Variants in FREM3 observed in about 807,000 individuals in gnomAD.
The protein encoded by FREM3 is FRAS1-related extracellular matrix protein 3.
FREM3 carries 105 observed loss-of-function variants against 129.1 expected under a neutral mutation model. The observed-to-expected ratio is 0.81, with a 90% CI of 0.69 to 0.96. The LOEUF is 0.96. FREM3 is among the 40% of genes least tolerant of loss of function. The pLI is 0.00. For missense variants in FREM3, 2,593 were observed against 2,666.3 expected (o/e 0.97, Z 0.61); for synonymous variants, 1,014 against 1,044.9 (o/e 0.97, Z 0.57).
chr4:143,663,427 C>T (rs1402354228), intron 2 of FREM3, among the ~76,000 whole-genome samples: 3 of 152,158 alleles, frequency 2.0e-5, no homozygotes, highest in African/African-American at 7.2e-5. Context: ...TCTCTTCTGG[C>T]TTGTAGAGTT....
intron 6 of FREM3, among the ~76,000 whole-genome samples, chr4:143,604,401 A>G (rs190631878): frequency 2.6e-3 from 401 of 152,194 alleles, no homozygotes; most frequent in Non-Finnish European, 4.7e-3. Flanking sequence ...CACTCTCTGG[A>G]GCACTCTCCA....
intron 2 of FREM3, among the ~76,000 whole-genome samples, chr4:143,667,573 C>T (rs944866099): frequency 2.6e-5 from 4 of 152,148 alleles, no homozygotes; most frequent in Admixed American, 6.5e-5. Flanking sequence ...CCAACTGGCA[C>T]ACATTCTGCT....
chr4:143,634,627 G>A (rs759407127), intron 2 of FREM3, among the ~76,000 whole-genome samples: 3 of 152,114 alleles, frequency 2.0e-5, no homozygotes, highest in African/African-American at 2.4e-5. Context: ...GTGTGGCTCC[G>A]ACTGAGAGTC....
chr4:143,698,100 G>T lies in FREM3; in HGVS notation c.2576C>A (p.Thr859Lys). Reference protein sequence around the residue: ...SNELHVTDPDTDIDQIVFILV... With the variant: ...SNELHVTDPDKDIDQIVFILV... ...TATGAAGACAATTTGGTCAATGTCT[G>T]TGTCTGGGTCTGTAACATGCAGCTC... Residue 859 changes from threonine (T) to lysine (K), a missense_variant, in exon 1 of 8, where the codon ACA (threonine) becomes AAA (lysine). Transcript: ENST00000329798. 1 of 1,537,426 alleles carries T rather than the reference G, an allele frequency of 6.5e-7. No homozygotes were observed. Among genetic ancestry groups the T allele is most frequent in the African/African-American group, 1.4e-5 (1 of 73,180 alleles).
intron 2 of FREM3, among the ~76,000 whole-genome samples, chr4:143,679,675 A>G (rs957857876): frequency 1.3e-5 from 2 of 152,154 alleles, no homozygotes; most frequent in African/African-American, 4.8e-5. Context: ...TCTTCCCCAG[A>G]TTGGCTTTAC....
rs1408924671 is a variant in FREM3 at position 143,697,058 on chromosome 4, C to T, written c.3618G>A (p.Gly1206=). Reference sequence around the variant, plus strand: ...GCTGGGTGTCTATGACCAGGCTCATCCCCTCTAGTACCTTAAACTCATGGG... The same window carrying T: ...GCTGGGTGTCTATGACCAGGCTCATTCCCTCTAGTACCTTAAACTCATGGG... ...LFAHEFKVLE[G]MSLVIDTQLL... Residue 1206 remains glycine (G), a synonymous_variant, in exon 1 of 8, where the codon GGG becomes GGA. Coordinates refer to ENST00000329798, the MANE Select transcript of FREM3 (RefSeq NM_001168235.2). 9.1e-6 allele frequency: 14 copies of T among 1,537,452 alleles called. No homozygotes were observed. The highest frequency in any genetic ancestry group is 1.2e-5 in the Non-Finnish European group (14 of 1,147,006).
Position 143,696,782 on chromosome 4 carries a change from T to C in FREM3, c.3894A>G (p.Val1298=). 2 of 1,537,866 alleles carry C rather than the reference T, an allele frequency of 1.3e-6. No individual in the cohort carries two copies. The highest frequency in any genetic ancestry group is 2.4e-5 in the South Asian group (2 of 84,056). Residue 1298 remains valine, a synonymous_variant, in exon 1 of 8, where the codon GTA becomes GTG. Transcript: ENST00000329798. The part of the protein sequence containing the change: ...KHTTHRKVPI[V]VTLVDDETPH... ...GAGTTTCATCATCCACTAGGGTCAC[T>C]ACAATGGGTACCTTCCTGTGGGTTG...
intron 4 of FREM3, 31 bp from the exon 5 acceptor site, chr4:143,621,193 A>G (rs1254617914): frequency 6.5e-7 from 1 of 1,534,844 alleles, no homozygotes; most frequent in Non-Finnish European, 8.7e-7. Context: ...CTTTTCACCA[A>G]GATTTAGATT....
At position 143,656,521 on chromosome 4, in the gene FREM3, A is replaced by G. The variant is rs538044569; in HGVS notation, c.5276-28761T>C. Among the ~76,000 whole-genome samples, 8 of 152,346 alleles carry G rather than the reference A, an allele frequency of 5.3e-5. No individual in the cohort carries two copies. In the East Asian group the frequency reaches 1.5e-3, roughly 29 times the overall value. ...AGTACTGATATATGCTATAACATAA[A>G]CCTTGAAAACATTAGGCTAAGTGAC... On this transcript the variant is annotated intron_variant, in intron 2 of 7. Transcript: ENST00000329798.
In FREM3 at chr4:143,577,493, A is replaced by G; in HGVS notation, c.*118T>C. 1.1e-6 allele frequency: 1 copy of G among 928,262 alleles called. No homozygotes were observed. Among genetic ancestry groups the G allele is most frequent in the Non-Finnish European group, 1.6e-6 (1 of 634,756 alleles). The allele number at this position is 928,262 out of a possible 1,614,324, so 57.5% of individuals were successfully genotyped here. ...CATTTCCACATATCACCAGAATATA[A>G]CACCAATGACAGTACAATATCACTG... is the stretch of plus-strand genomic sequence containing the variant. On this transcript the variant is annotated 3_prime_UTR_variant, in exon 8 of 8. Transcript: ENST00000329798.
chr4:143,642,302 A>G (rs1272226760), intron 2 of FREM3, among the ~76,000 whole-genome samples: 1 of 152,166 alleles, frequency 6.6e-6, no homozygotes, highest in East Asian at 1.9e-4. Context: ...AGAGATAACA[A>G]TAATAGAATT....
chr4:143,591,127 C>G (rs1366844585), intron 6 of FREM3, among the ~76,000 whole-genome samples: 1 of 152,108 alleles, frequency 6.6e-6, no homozygotes, highest in East Asian at 1.9e-4. Context: ...ATTCTTCTCT[C>G]TTTTCTTCTT....
At chr4:143,654,438 T>C (rs551705458) in intron 2 of FREM3, among the ~76,000 whole-genome samples, 9 of 152,206 alleles carry the variant, frequency 5.9e-5, no homozygotes, top group Non-Finnish European at 1.2e-4. Flanking sequence ...AAAATTAACA[T>C]TAATAACTTG....
chr4:143,660,065 G>T (rs1456373388), intron 2 of FREM3, among the ~76,000 whole-genome samples: 55 of 148,976 alleles, frequency 3.7e-4, no homozygotes, highest in African/African-American at 1.3e-3. Flanking sequence ...TTCTTTTGCT[G>T]TGCAGAAGCT....
chr4:143,628,598 A>T (rs1342768597), intron 2 of FREM3, among the ~76,000 whole-genome samples: 1 of 152,206 alleles, frequency 6.6e-6, no homozygotes, highest in Non-Finnish European at 1.5e-5. Context: ...TTTACTAACC[A>T]GTTCCACAGT....
At position 143,636,163 on chromosome 4, in the gene FREM3, G is replaced by GT. The variant is rs536363966; in HGVS notation, c.5276-8404dup. 2.6e-3 allele frequency among the ~76,000 whole-genome samples: 362 copies of GT among 139,516 alleles called. 2 individuals carry two copies. The highest frequency in any genetic ancestry group is 6.1e-3 in the African/African-American group (234 of 38,630). The allele number at this position is 139,516 out of a possible 152,430, so 91.5% of individuals were successfully genotyped here. A position where few individuals can be genotyped will look rare whatever the true frequency, so the allele number is the denominator to read the frequency against. Reference sequence around the variant, plus strand: ...TAAAACAGTAGAAAACATTGTTTTTGTTTTTTTTTTTAAACTACATAGAAT... The same window carrying GT: ...TAAAACAGTAGAAAACATTGTTTTTGTTTTTTTTTTTTAAACTACATAGAAT... On this transcript the variant is annotated intron_variant, in intron 2 of 7. Transcript: ENST00000329798.
At chr4:143,612,637 T>G (rs1421729068) in intron 5 of FREM3, among the ~76,000 whole-genome samples, 1 of 152,084 alleles carries the variant, frequency 6.6e-6, no homozygotes, top group East Asian at 1.9e-4. Flanking sequence ...AACCCAATAA[T>G]TTTTTTTCTA....
chr4:143,589,141 C>G (rs1453252038), intron 6 of FREM3, among the ~76,000 whole-genome samples: 1 of 152,062 alleles, frequency 6.6e-6, no homozygotes, highest in Non-Finnish European at 1.5e-5. Context: ...TGGATATTAG[C>G]CCTTTGTCAG....
chr4:143,675,682 G>A (rs1231690694), intron 2 of FREM3, among the ~76,000 whole-genome samples: 3 of 152,108 alleles, frequency 2.0e-5, no homozygotes, highest in Admixed American at 6.6e-5. Flanking sequence ...GAATCAAACA[G>A]ATGCAATAAA....
Sources: allele counts gnomAD v4.1 joint callset (sites outside exome capture counted in the v4.1 genomes callset), GRCh38; gene constraint gnomAD v4.1.1; transcripts MANE v1.5; gene names NCBI Gene and HGNC (gene_info 2026-07-23, HGNC 2026-07-21).